The following EFHC2 variants were observed in gnomAD, a reference collection of about 807,000 sequenced individuals.
EFHC2 encodes EF-hand domain containing 2.
Under a neutral mutation model 52.7 loss-of-function variants are expected in EFHC2, and 18 were observed. The ratio of observed to expected loss-of-function variants is 0.34; its 90% CI spans 0.24 to 0.51. The LOEUF (loss-of-function observed/expected upper bound fraction) is 0.51. Ranked by LOEUF, EFHC2 falls within the 20% of genes least tolerant of loss-of-function variation. EFHC2 has a pLI of 0.97. For missense variants in EFHC2, 513 were observed against 562.5 expected, an observed-to-expected ratio of 0.91 and a Z score of 0.89; for synonymous variants, 203 against 204.1, an observed-to-expected ratio of 0.99 and a Z score of 0.04.
chrX:44,319,992 G>T (rs1042611699), intron 1 of EFHC2, among the ~76,000 whole-genome samples: 4 of 110,602 alleles, frequency 3.6e-5, no homozygotes, highest in African/African-American at 1.3e-4. Flanking sequence ...ACCCAGGCTG[G>T]AGTGCAGTGG....
At chrX:44,251,266 G>C (rs1338695804) in intron 4 of EFHC2, among the ~76,000 whole-genome samples, 1 of 60,669 alleles carries the variant, frequency 1.6e-5, no homozygotes, top group African/African-American at 6.8e-5. Flanking sequence ...AAAAAAAAAA[G>C]AATAGAGACA....
At chrX:44,246,107 A>G (rs1453305193) in intron 7 of EFHC2, among the ~76,000 whole-genome samples, 2 of 112,487 alleles carry the variant, frequency 1.8e-5, no homozygotes, top group Non-Finnish European at 3.8e-5. Flanking sequence ...ATACCAAAAC[A>G]TAACGCATGT....
chrX:44,271,644 C>A (rs2037618117), intron 3 of EFHC2, among the ~76,000 whole-genome samples: 1 of 110,718 alleles, frequency 9.0e-6, no homozygotes, highest in Non-Finnish European at 1.9e-5. Context: ...GACCTGCCCC[C>A]AGGGCCATCT....
At chrX:44,273,792 T>C (rs2037634932) in intron 2 of EFHC2, among the ~76,000 whole-genome samples, 1 of 111,816 alleles carries the variant, frequency 8.9e-6, no homozygotes, top group Non-Finnish European at 1.9e-5. Context: ...GAGAGCTCCA[T>C]TTAAATATTC....
At chrX:44,252,557 A>G (rs2037459752) in intron 4 of EFHC2, among the ~76,000 whole-genome samples, 1 of 111,908 alleles carries the variant, frequency 8.9e-6, no homozygotes, top group South Asian at 3.7e-4. Context: ...TTGATAATAT[A>G]TGGGATTCTT....
intron 11 of EFHC2, among the ~76,000 whole-genome samples, chrX:44,207,193 C>T (rs190930388): frequency 1.8e-5 from 2 of 111,909 alleles, no homozygotes; most frequent in African/African-American, 6.5e-5. Context: ...TCATTATATA[C>T]AAAAATGAAC....
chrX:44,286,882 C>T (rs1018508861), intron 2 of EFHC2, among the ~76,000 whole-genome samples: 1 of 104,731 alleles, frequency 9.5e-6, no homozygotes. Flanking sequence ...AAACAACAGC[C>T]GGGTGTGGTG....
chrX:44,283,599 A>G (rs1326911519), intron 2 of EFHC2, among the ~76,000 whole-genome samples: 4 of 97,346 alleles, frequency 4.1e-5, no homozygotes, highest in African/African-American at 1.6e-4. Context: ...GGACAGTCTT[A>G]GGAGTGCGTT....
chrX:44,264,329 C>T (rs1248228939), intron 3 of EFHC2, among the ~76,000 whole-genome samples: 1 of 111,900 alleles, frequency 8.9e-6, no homozygotes, highest in African/African-American at 3.3e-5. Flanking sequence ...TGAAGCTGCT[C>T]TTCCGAAAGA....
intron 4 of EFHC2, among the ~76,000 whole-genome samples, chrX:44,258,715 G>A (rs950598403): frequency 5.5e-5 from 6 of 110,011 alleles, no homozygotes; most frequent in African/African-American, 1.7e-4. Context: ...AAATTAGCCG[G>A]GTGTGGTGGC....
At chrX:44,283,758 G>A (rs372719545) in intron 2 of EFHC2, among the ~76,000 whole-genome samples, 2 of 105,806 alleles carry the variant, frequency 1.9e-5, no homozygotes, top group African/African-American at 3.5e-5. Context: ...AGTACGTTCC[G>A]GGCTCGGACG....
chrX:44,304,739 G>A (rs1345044264), intron 2 of EFHC2, among the ~76,000 whole-genome samples: 2 of 109,854 alleles, frequency 1.8e-5, no homozygotes, highest in African/African-American at 3.3e-5. Context: ...AAATTCTTTT[G>A]CCTGTTTTTA....
intron 14 of EFHC2, among the ~76,000 whole-genome samples, chrX:44,163,200 A>G (rs1004941097): frequency 8.9e-6 from 1 of 112,292 alleles, no homozygotes; most frequent in Non-Finnish European, 1.9e-5. Flanking sequence ...GTCAGCAGAG[A>G]CCAGGAGAAA....
chrX:44,297,880 A>T (rs1218293605), intron 2 of EFHC2, among the ~76,000 whole-genome samples: 1 of 109,063 alleles, frequency 9.2e-6, no homozygotes. Context: ...ATAGAAGATG[A>T]ATAAAAATGG....
intron 10 of EFHC2, among the ~76,000 whole-genome samples, chrX:44,230,091 G>A (rs1049073422): frequency 9.0e-6 from 1 of 111,209 alleles, no homozygotes; most frequent in African/African-American, 3.3e-5. Context: ...TTGGATAGTG[G>A]CCCAATATGT....
chrX:44,343,416 C>T, intron 1 of EFHC2, 131 bp downstream of exon 1: 1 of 807,050 alleles, frequency 1.2e-6, no homozygotes, highest in East Asian at 3.5e-5. Flanking sequence ...AAAGTTTGGT[C>T]CAAGTTGCCA....
At chrX:44,243,089 G>A (rs932620575) in intron 7 of EFHC2, among the ~76,000 whole-genome samples, 4 of 111,536 alleles carry the variant, frequency 3.6e-5, no homozygotes, top group Admixed American at 9.6e-5. Flanking sequence ...AGAGAGAGCT[G>A]GTAACATATT....
intron 2 of EFHC2, among the ~76,000 whole-genome samples, chrX:44,274,957 G>A (rs961822786): frequency 2.7e-5 from 3 of 111,378 alleles, no homozygotes; most frequent in African/African-American, 9.8e-5. Flanking sequence ...AAAGGAGAAA[G>A]AGCTGGGGCT....
chrX:44,320,296 G>A (rs2147388380), intron 1 of EFHC2, among the ~76,000 whole-genome samples: 1 of 111,779 alleles, frequency 8.9e-6, no homozygotes, highest in South Asian at 3.8e-4. Flanking sequence ...AAGAGACAAA[G>A]AATAGTGATC....
Sources: gnomAD v4.1 joint callset for allele counts (sites outside exome capture counted in the v4.1 genomes callset) on GRCh38, gnomAD v4.1.1 for gene constraint, MANE v1.5 for transcripts, NCBI Gene and HGNC (gene_info 2026-07-23, HGNC 2026-07-21) for gene names.